The following ADAMTSL1 variants were observed in gnomAD, a reference collection of about 807,000 sequenced individuals.
ADAMTSL1 encodes ADAMTS-like protein 1.
A neutral mutation model predicts 201.8 loss-of-function variants in ADAMTSL1; 126 were observed. The ratio of observed to expected loss-of-function variants is 0.62; its 90% CI spans 0.54 to 0.72. The LOEUF is 0.72. ADAMTSL1 is among the 30% of genes least tolerant of loss of function. The probability of loss-of-function intolerance (pLI) is 0.00; values close to 1 mark genes in which losing one functional copy is unlikely to be tolerated. For missense variants in ADAMTSL1, 2,679 were observed against 2,277.8 expected (o/e 1.18, Z -3.59); for synonymous variants, 1,121 against 903.4 (o/e 1.24, Z -4.32).
chr9:18,004,387 G>T (rs1819732637), intron 1 of ADAMTSL1, among the ~76,000 whole-genome samples: 1 of 151,976 alleles, frequency 6.6e-6, no homozygotes, highest in Non-Finnish European at 1.5e-5. Context: ...TCTGCAGGTG[G>T]TAAGGGGACT....
chr9:18,009,045 C>T (rs866835953), intron 1 of ADAMTSL1, among the ~76,000 whole-genome samples: 2 of 151,862 alleles, frequency 1.3e-5, no homozygotes. Flanking sequence ...CTCTCCCCTG[C>T]AGATCTGCAC....
intron 2 of ADAMTSL1, among the ~76,000 whole-genome samples, chr9:18,328,671 C>A (rs1834919466): frequency 6.6e-6 from 1 of 152,176 alleles, no homozygotes; most frequent in African/African-American, 2.4e-5. Context: ...ATCTTAGTGT[C>A]ATTTGTGCCT....
At chr9:18,289,931 C>T (rs377578843) in intron 2 of ADAMTSL1, among the ~76,000 whole-genome samples, 14 of 152,214 alleles carry the variant, frequency 9.2e-5, no homozygotes, top group African/African-American at 3.1e-4. Context: ...GTGAGAAATA[C>T]TGAGTTTTTT....
chr9:18,050,686 A>C (rs1328735177), intron 1 of ADAMTSL1, among the ~76,000 whole-genome samples: 1 of 152,134 alleles, frequency 6.6e-6, no homozygotes, highest in African/African-American at 2.4e-5. Flanking sequence ...GGAAGTGTGC[A>C]CTTTTTTGTG....
intron 1 of ADAMTSL1, among the ~76,000 whole-genome samples, chr9:17,943,503 A>G (rs1827328058): frequency 6.6e-6 from 1 of 152,096 alleles, no homozygotes. Context: ...GGGTAGTGCC[A>G]AAGTTCCTGT....
At chr9:18,663,248 A>G (rs768324339) in intron 9 of ADAMTSL1, among the ~76,000 whole-genome samples, 7 of 152,190 alleles carry the variant, frequency 4.6e-5, no homozygotes, top group Non-Finnish European at 8.8e-5. Flanking sequence ...CACAGGAACC[A>G]TATTCCCTAC....
At chr9:18,319,130 G>T (rs1834523627) in intron 2 of ADAMTSL1, among the ~76,000 whole-genome samples, 1 of 152,112 alleles carries the variant, frequency 6.6e-6, no homozygotes, top group Non-Finnish European at 1.5e-5. Context: ...AGGATCACTT[G>T]AGCCCAGGAG....
At chr9:18,850,618 C>G (rs7468903) in intron 23 of ADAMTSL1, among the ~76,000 whole-genome samples, 23,092 of 152,162 alleles carry the variant, frequency 0.15, 1,843 homozygotes, top group East Asian at 0.28. Flanking sequence ...GCATCTGATT[C>G]CTCATAAATA....
chr9:18,380,821 A>G (rs1837525676), intron 2 of ADAMTSL1, among the ~76,000 whole-genome samples: 1 of 152,198 alleles, frequency 6.6e-6, no homozygotes, highest in Non-Finnish European at 1.5e-5. Context: ...CATTTACTAC[A>G]GTCCATCAGG....
chr9:18,000,151 C>G (rs1420761170), intron 1 of ADAMTSL1, among the ~76,000 whole-genome samples: 2 of 150,468 alleles, frequency 1.3e-5, no homozygotes, highest in East Asian at 2.0e-4. Flanking sequence ...AATGGTATTT[C>G]TAGTTCTAGA....
intron 2 of ADAMTSL1, among the ~76,000 whole-genome samples, chr9:18,274,514 A>G (rs1026067000): frequency 2.6e-5 from 4 of 152,198 alleles, no homozygotes; most frequent in Admixed American, 6.5e-5. Context: ...GAGGTATTTC[A>G]TAATACAACA....
At chr9:18,482,303 G>A (rs781682413) in intron 1 of ADAMTSL1, among the ~76,000 whole-genome samples, 5 of 152,102 alleles carry the variant, frequency 3.3e-5, no homozygotes, top group Non-Finnish European at 5.9e-5. Flanking sequence ...CCTCATAAGC[G>A]GGTTCTTTCT....
At chr9:17,913,757 A>G (rs893430549) in intron 1 of ADAMTSL1, among the ~76,000 whole-genome samples, 2 of 152,186 alleles carry the variant, frequency 1.3e-5, no homozygotes, top group Admixed American at 1.3e-4. Context: ...CGGATCAACA[A>G]AATTGATAGA....
At chr9:18,191,191 A>G (rs72701540) in intron 2 of ADAMTSL1, among the ~76,000 whole-genome samples, 28,038 of 152,092 alleles carry the variant, frequency 0.18, 3,108 homozygotes, top group South Asian at 0.26. Context: ...CCAGGCAGTC[A>G]TCTGGTCCCG....
chr9:18,117,115 G>A (rs1405147226), intron 1 of ADAMTSL1, among the ~76,000 whole-genome samples: 1 of 152,000 alleles, frequency 6.6e-6, no homozygotes, highest in Admixed American at 6.6e-5. Flanking sequence ...ACTACTTGAT[G>A]CCACCACCTA....
intron 21 of ADAMTSL1, among the ~76,000 whole-genome samples, chr9:18,825,775 T>G (rs1445919204): frequency 4.6e-5 from 7 of 151,694 alleles, no homozygotes; most frequent in Non-Finnish European, 1.0e-4. Context: ...TACCAGGTTT[T>G]TTTTTTTTTA....
chr9:18,811,367 C>G (rs796534917), intron 20 of ADAMTSL1, among the ~76,000 whole-genome samples: 4 of 152,328 alleles, frequency 2.6e-5, no homozygotes, highest in African/African-American at 9.6e-5. Context: ...TCCCTCCCCA[C>G]TGGGGTGGTG....
At chr9:18,563,953 G>A (rs998028042) in intron 3 of ADAMTSL1, among the ~76,000 whole-genome samples, 1 of 152,174 alleles carries the variant, frequency 6.6e-6, no homozygotes, top group East Asian at 1.9e-4. Context: ...TGGACTCCAT[G>A]GGGGTGGCAT....
intron 1 of ADAMTSL1, among the ~76,000 whole-genome samples, chr9:18,151,777 T>C (rs2132046447): frequency 6.6e-6 from 1 of 152,066 alleles, no homozygotes; most frequent in East Asian, 1.9e-4. Context: ...CCAAAACACA[T>C]ACCATCAGAT....
Sources: gnomAD v4.1 joint callset for allele counts (sites outside exome capture counted in the v4.1 genomes callset) on GRCh38, gnomAD v4.1.1 for gene constraint, MANE v1.5 for transcripts, NCBI Gene and HGNC (gene_info 2026-07-23, HGNC 2026-07-21) for gene names.